PRR5L: variants seen among roughly 807,000 people sequenced by gnomAD.
PRR5L encodes proline-rich protein 5-like.
In PRR5L, 21 loss-of-function variants were observed where a neutral mutation model predicts 36.4. The observed-to-expected ratio is 0.58, with a 90% confidence interval of 0.41 to 0.83. The LOEUF is 0.83. Among genes scored for constraint, PRR5L ranks in the 40% least tolerant of loss-of-function variants. The pLI, the probability that PRR5L is intolerant of heterozygous loss-of-function variation, is 0.00. For synonymous variants in PRR5L, 188 were observed against 197.0 expected (o/e 0.95, Z 0.38); for missense variants, 381 against 473.3 (o/e 0.80, Z 1.81).
At chr11:36,299,358 TAGTGGGCAATTGGGACTTGG>T (rs1355009253) in intron 1 of PRR5L, among the ~76,000 whole-genome samples, 1 of 152,120 alleles carries the variant, frequency 6.6e-6, no homozygotes, top group African/African-American at 2.4e-5. Context: ...GGAGGGTGGG[TAGTGGGCAATTGGGACTTGG>T]AGTGCTCCTA....
chr11:36,361,606 G>T (rs1056861274), intron 1 of PRR5L, among the ~76,000 whole-genome samples: 2 of 152,148 alleles, frequency 1.3e-5, no homozygotes, highest in African/African-American at 4.8e-5. Context: ...CCAGAGGAAA[G>T]AAATCATTGT....
chr11:36,373,806 A>AC (rs1857221662), intron 1 of PRR5L, among the ~76,000 whole-genome samples: 1 of 151,880 alleles, frequency 6.6e-6, no homozygotes, highest in Admixed American at 6.6e-5. Flanking sequence ...CTCATGATTA[A>AC]CCTTTTTTTT....
At chr11:36,364,023 C>T (rs568107386) in intron 1 of PRR5L, among the ~76,000 whole-genome samples, 1 of 152,294 alleles carries the variant, frequency 6.6e-6, no homozygotes, top group East Asian at 1.9e-4. Flanking sequence ...TGTCAGGCTG[C>T]ACTCTGTGGT....
intron 1 of PRR5L, among the ~76,000 whole-genome samples, chr11:36,298,104 A>G (rs947892570): frequency 4.6e-5 from 7 of 152,156 alleles, no homozygotes; most frequent in African/African-American, 1.4e-4. Context: ...CTGGTTGCCT[A>G]ATAAGACTCC....
chr11:36,321,006 T>C (rs990914476), intron 1 of PRR5L, among the ~76,000 whole-genome samples: 2 of 152,260 alleles, frequency 1.3e-5, no homozygotes, highest in South Asian at 4.1e-4. Flanking sequence ...ACAGTTCTTA[T>C]TATGGAATTT....
chr11:36,375,266 C>T (rs1857242599), intron 1 of PRR5L, among the ~76,000 whole-genome samples: 1 of 151,606 alleles, frequency 6.6e-6, no homozygotes, highest in Admixed American at 6.6e-5. Flanking sequence ...GTTTCCCAGG[C>T]ATGTGTCCCA....
At chr11:36,450,811 C>T (rs1302948284) in intron 7 of PRR5L, among the ~76,000 whole-genome samples, 1 of 152,224 alleles carries the variant, frequency 6.6e-6, no homozygotes, top group African/African-American at 2.4e-5. Context: ...ATAATAAGAG[C>T]ACCTTCCTCT....
chr11:36,369,542 T>C (rs1434659571), intron 1 of PRR5L, among the ~76,000 whole-genome samples: 1 of 152,164 alleles, frequency 6.6e-6, no homozygotes, highest in East Asian at 1.9e-4. Flanking sequence ...GCATCTACAA[T>C]CACCAAGAAA....
intron 3 of PRR5L, among the ~76,000 whole-genome samples, chr11:36,404,583 T>A (rs147178020): frequency 6.6e-4 from 100 of 152,272 alleles, no homozygotes; most frequent in African/African-American, 2.4e-3. Flanking sequence ...GGTCTTTTCA[T>A]GTCCTGGTAT....
intron 1 of PRR5L, among the ~76,000 whole-genome samples, chr11:36,351,257 T>C (rs1260130654): frequency 2.5e-5 from 1 of 39,362 alleles, no homozygotes; most frequent in African/African-American, 1.2e-4. Flanking sequence ...TTTTTATATA[T>C]GTATATTTAT....
rs1160978566 is a variant in PRR5L, at chr11:36,463,757, A to G, written c.*1021A>G. ...AGAGCTCCTGGGAAAAGAGACTGGA[A>G]GTGGTTCAGGATAAAGAGATCCATG... On this transcript the variant is annotated 3_prime_UTR_variant, in exon 9 of 9. Coordinates refer to ENST00000530639, the MANE Select transcript of PRR5L (RefSeq NM_001160167.2). 1 of 152,500 alleles carries G rather than the reference A, an allele frequency of 6.6e-6. No individual in the cohort carries two copies. The highest frequency in any genetic ancestry group is 1.5e-5 in the Non-Finnish European group (1 of 68,044). 9.4% of individuals were successfully genotyped at this position (152,500 alleles called of 1,614,324 possible). A position where few individuals can be genotyped will look rare whatever the true frequency, so the allele number is the denominator to read the frequency against.
intron 1 of PRR5L, among the ~76,000 whole-genome samples, chr11:36,307,960 A>C (rs1368504459): frequency 6.6e-6 from 1 of 152,162 alleles, no homozygotes; most frequent in Admixed American, 6.5e-5. Context: ...CCCCACAGGC[A>C]CACTGTATGT....
chr11:36,366,457 T>G (rs571452333), intron 1 of PRR5L, among the ~76,000 whole-genome samples: 19 of 152,220 alleles, frequency 1.2e-4, no homozygotes, highest in South Asian at 4.1e-4. Context: ...GAGGGAGGCA[T>G]ATGCCATACT....
intron 6 of PRR5L, among the ~76,000 whole-genome samples, chr11:36,439,664 G>A (rs1858679920): frequency 6.6e-6 from 1 of 152,160 alleles, no homozygotes; most frequent in South Asian, 2.1e-4. Flanking sequence ...TTCCGGGGAG[G>A]TGGCGAAGAT....
In PRR5L at chr11:36,311,767, GTCTA is replaced by G. The variant is rs548002013; in HGVS notation, c.-126+15337_-126+15340del. ...GGTGGATAGCGTTGGAATTTTGGAT[GTCTA>G]TCTATCTTTCTCCTCTCTGAGCTCT... is the stretch of plus-strand genomic sequence containing the variant. On this transcript the variant is annotated intron_variant, in intron 1 of 8. Coordinates refer to ENST00000530639, the MANE Select transcript of PRR5L (RefSeq NM_001160167.2). 9.3e-4 allele frequency among the ~76,000 whole-genome samples: 142 copies of G among 152,246 alleles called. 1 individual carries two copies. The highest frequency in any genetic ancestry group is 3.3e-3 in the African/African-American group (138 of 41,538).
At chr11:36,406,813 G>C (rs1346610528) in intron 3 of PRR5L, among the ~76,000 whole-genome samples, 2 of 152,200 alleles carry the variant, frequency 1.3e-5, no homozygotes, top group African/African-American at 4.8e-5. Context: ...TGACAGTCCT[G>C]TTATATGCAA....
At chr11:36,327,831 G>T (rs970704333) in intron 1 of PRR5L, among the ~76,000 whole-genome samples, 15 of 152,138 alleles carry the variant, frequency 9.9e-5, no homozygotes, top group Admixed American at 2.0e-4. Flanking sequence ...TGACCTGGAG[G>T]TACCCCTGTC....
At chr11:36,460,701 C>T (rs1859162030) in intron 8 of PRR5L, among the ~76,000 whole-genome samples, 1 of 152,260 alleles carries the variant, frequency 6.6e-6, no homozygotes, top group Admixed American at 6.5e-5. Flanking sequence ...TTCTGCCACA[C>T]TTCTGCCCAA....
At chr11:36,382,051 G>A (rs1409024737) in intron 1 of PRR5L, among the ~76,000 whole-genome samples, 3 of 152,092 alleles carry the variant, frequency 2.0e-5, no homozygotes, top group Admixed American at 6.5e-5. Flanking sequence ...CCAGCTACTC[G>A]GGAGGCTGAG....
Sources: gnomAD v4.1 joint callset for allele counts (sites outside exome capture counted in the v4.1 genomes callset) on GRCh38, gnomAD v4.1.1 for gene constraint, MANE v1.5 for transcripts, NCBI Gene and HGNC (gene_info 2026-07-23, HGNC 2026-07-21) for gene names.